Variants in RCBTB1 observed in about 807,000 individuals in gnomAD.
RCBTB1 encodes RCC1 and BTB domain-containing protein 1.
In RCBTB1, 46 loss-of-function variants were observed where a neutral mutation model predicts 62.4. The ratio of observed to expected loss-of-function variants is 0.74; its 90% CI spans 0.58 to 0.94. The LOEUF is 0.94. RCBTB1 is among the 40% of genes least tolerant of loss of function. RCBTB1 has a pLI of 0.00. For missense variants in RCBTB1, 565 were observed against 654.9 expected, an observed-to-expected ratio of 0.86 and a Z score of 1.50; for synonymous variants, 222 against 245.8, an observed-to-expected ratio of 0.90 and a Z score of 0.91.
intron 2 of RCBTB1, among the ~76,000 whole-genome samples, chr13:49,572,810 AT>A: frequency 1.3e-5 from 2 of 152,292 alleles, no homozygotes; most frequent in South Asian, 4.1e-4. Flanking sequence ...AATAATAGTA[AT>A]AATAATAATC....
intron 5 of RCBTB1, 145 bp downstream of exon 5, chr13:49,559,773 G>T: frequency 1.5e-6 from 1 of 662,730 alleles, no homozygotes; most frequent in Non-Finnish European, 2.4e-6. Flanking sequence ...GTGGGTGCAT[G>T]CTGGTGACAG....
At chr13:49,570,983 T>A (rs1050272810) in intron 2 of RCBTB1, among the ~76,000 whole-genome samples, 6 of 152,178 alleles carry the variant, frequency 3.9e-5, no homozygotes, top group African/African-American at 1.4e-4. Context: ...CTTCCTAAAG[T>A]CACTTCTTTC....
intron 2 of RCBTB1, among the ~76,000 whole-genome samples, chr13:49,576,095 G>T (rs1171445575): frequency 6.8e-6 from 1 of 146,048 alleles, no homozygotes; most frequent in Non-Finnish European, 1.5e-5. Flanking sequence ...GCTGAGGAAG[G>T]AGAATGGCAT....
intron 2 of RCBTB1, among the ~76,000 whole-genome samples, chr13:49,575,930 G>A (rs1419240258): frequency 6.6e-6 from 1 of 152,100 alleles, no homozygotes; most frequent in Non-Finnish European, 1.5e-5. Context: ...GCTCACGCCT[G>A]TAATCCCAGC....
chr13:49,538,569 T>C (rs1960100435), intron 12 of RCBTB1, among the ~76,000 whole-genome samples: 1 of 151,580 alleles, frequency 6.6e-6, no homozygotes, highest in African/African-American at 2.4e-5. Flanking sequence ...AATAAGAAAT[T>C]AGCTGGGTGT....
chr13:49,543,989 G>A (rs1284897818), intron 10 of RCBTB1, among the ~76,000 whole-genome samples: 1 of 152,158 alleles, frequency 6.6e-6, no homozygotes, highest in Non-Finnish European at 1.5e-5. Flanking sequence ...GCTGAGCCTA[G>A]AACATTCTTC....
Position 49,538,973 on chromosome 13 carries a change from A to G in RCBTB1, c.1455+1903T>C, listed in dbSNP as rs558298765. Among the ~76,000 whole-genome samples the G allele has an allele frequency of 8.6e-5, 13 of 150,858 alleles. No homozygotes were observed. In the South Asian group the frequency reaches 1.5e-3, roughly 17 times the overall value. On this transcript the variant is annotated intron_variant, in intron 12 of 12. Transcript: ENST00000378302. ...CAACTTCTCCCTCCCAGATTCAAGC[A>G]ATTCTCCTGCCTCAGCCTCCCGAAT...
intron 2 of RCBTB1, among the ~76,000 whole-genome samples, chr13:49,571,249 G>A (rs1161358064): frequency 3.3e-5 from 5 of 152,114 alleles, no homozygotes; most frequent in Admixed American, 3.3e-4. Flanking sequence ...AAGAGGCTGA[G>A]GCAGGAGAAT....
chr13:49,541,557 C>G (rs746212488), intron 11 of RCBTB1, 119 bp downstream of exon 11: 3 of 925,076 alleles, frequency 3.2e-6, no homozygotes, highest in Non-Finnish European at 4.7e-6. Context: ...TACTTCAAAT[C>G]TTTTTTAAGC....
chr13:49,555,509 C>T lies in RCBTB1; in HGVS notation c.603+6G>A, dbSNP rs758791880. 4.1e-5 allele frequency: 66 copies of T among 1,612,238 alleles called. No individual in the cohort carries two copies. Among genetic ancestry groups the T allele is most frequent in the Non-Finnish European group, 5.6e-5 (66 of 1,178,540 alleles). On this transcript the variant is annotated splice_donor_region_variant and intron_variant, in intron 6 of 12. Transcript: ENST00000378302. ...AGAAAGGGAAATGGGAGTGGAGACA[C>T]CTCACCTCGCCATTGTCCAGAACAG... is the stretch of plus-strand genomic sequence containing the variant.
intron 8 of RCBTB1, 133 bp downstream of exon 8, chr13:49,551,193 G>A (rs1961307818): frequency 3.0e-6 from 3 of 1,016,640 alleles, no homozygotes; most frequent in Admixed American, 2.5e-5. Context: ...GAGAAGGGAA[G>A]GTTATCTCTT....
chr13:49,580,646 A>C (rs1174324188), intron 1 of RCBTB1, 62 bp from the exon 2 acceptor site: 1 of 152,236 alleles, frequency 6.6e-6, no homozygotes, highest in Non-Finnish European at 1.5e-5. Flanking sequence ...AAATGAATTC[A>C]AGGCTGGAAT....
intron 10 of RCBTB1, 32 bp from the exon 11 acceptor site, chr13:49,541,859 C>A: frequency 6.4e-7 from 1 of 1,562,406 alleles, no homozygotes; most frequent in South Asian, 1.2e-5. Context: ...CTTATTTGTT[C>A]AGCAGCAATT....
At chr13:49,570,643 GAAC>G (rs1361319562) in intron 2 of RCBTB1, among the ~76,000 whole-genome samples, 2 of 152,182 alleles carry the variant, frequency 1.3e-5, no homozygotes, top group Admixed American at 1.3e-4. Flanking sequence ...GAACAGATAA[GAAC>G]AACAGAGGCA....
chr13:49,539,075 G>A (rs531378288), intron 12 of RCBTB1, among the ~76,000 whole-genome samples: 2 of 151,894 alleles, frequency 1.3e-5, no homozygotes, highest in South Asian at 2.1e-4. Flanking sequence ...TCACCATGTT[G>A]GCCAGGCTGG....
chr13:49,567,225 C>A lies in RCBTB1; in HGVS notation c.55G>T (p.Ala19Ser). 3 of 1,614,026 alleles carry A rather than the reference C, an allele frequency of 1.9e-6. No individual in the cohort carries two copies. The highest frequency in any genetic ancestry group is 2.5e-6 in the Non-Finnish European group (3 of 1,179,938). ...AAGACACACGCCTTCCGAATAGACG[C>A]GATCTCTTGAGGGGAGAGTAGAGTG... ...IFTLLSPQEI[A>S]SIRKACVFGT... Residue 19 changes from alanine to serine, a missense_variant, in exon 3 of 13, where the codon GCG (alanine) becomes TCG (serine). By Grantham distance (99) the Ala-to-Ser change is moderately conservative. Coordinates refer to ENST00000378302, the MANE Select transcript of RCBTB1 (RefSeq NM_018191.4).
intron 4 of RCBTB1, among the ~76,000 whole-genome samples, chr13:49,564,536 G>C (rs1252959804): frequency 7.7e-6 from 1 of 129,124 alleles, no homozygotes; most frequent in East Asian, 2.4e-4. Context: ...AGTGGGCCGA[G>C]ATCATGCCAC....
intron 4 of RCBTB1, among the ~76,000 whole-genome samples, chr13:49,565,213 C>T (rs1358311877): frequency 3.3e-5 from 5 of 152,208 alleles, no homozygotes; most frequent in Non-Finnish European, 5.9e-5. Flanking sequence ...GACGGGGTTT[C>T]GCTGTGTTGG....
At position 49,546,260 on chromosome 13, in the gene RCBTB1, A is replaced by T. The variant is rs973513757; in HGVS notation, c.1046-1397T>A. The T allele has an allele frequency of 6.1e-5, 60 of 985,302 alleles. 1 individual carries two copies. The Admixed American group carries it at 2.6e-3, about 43-fold the overall frequency. The allele number at this position is 985,302 out of a possible 1,614,324, so 61.0% of individuals were successfully genotyped here. A position where few individuals can be genotyped will look rare whatever the true frequency, so the allele number is the denominator to read the frequency against. ...GTATAGTACATCCTTTCAGAGAAGA[A>T]ATCCTCCTCAAAGGGGTGAATTCAC... On this transcript the variant is annotated intron_variant, in intron 9 of 12. Coordinates refer to ENST00000378302, the MANE Select transcript of RCBTB1 (RefSeq NM_018191.4).
Sources: gnomAD v4.1 joint callset for allele counts (sites outside exome capture counted in the v4.1 genomes callset) on GRCh38, gnomAD v4.1.1 for gene constraint, MANE v1.5 for transcripts, NCBI Gene and HGNC (gene_info 2026-07-23, HGNC 2026-07-21) for gene names.